ATAD2B: variants seen among roughly 807,000 people sequenced by gnomAD.
ATAD2B encodes the protein ATPase family AAA domain-containing protein 2B.
A neutral mutation model predicts 167.6 loss-of-function variants in ATAD2B; 40 were observed. The observed-to-expected ratio is 0.24, with a 90% CI of 0.19 to 0.31. ATAD2B has a LOEUF of 0.31. ATAD2B is among the 10% of genes least tolerant of loss of function. The probability of loss-of-function intolerance (pLI) is 1.00; values close to 1 mark genes in which losing one functional copy is unlikely to be tolerated. For synonymous variants in ATAD2B, 579 were observed against 596.5 expected (o/e 0.97, Z 0.43); for missense variants, 1,242 against 1,757.2 (o/e 0.71, Z 5.24).
At chr2:23,811,752 T>C (rs1685629861) in intron 17 of ATAD2B, among the ~76,000 whole-genome samples, 1 of 152,052 alleles carries the variant, frequency 6.6e-6, no homozygotes, top group South Asian at 2.1e-4. Flanking sequence ...ATAATAAAAA[T>C]AAATAAATAA....
intron 21 of ATAD2B, 169 bp downstream of exon 21, chr2:23,785,858 A>T (rs1431888091): frequency 5.6e-6 from 3 of 536,066 alleles, no homozygotes; most frequent in East Asian, 3.1e-5. Flanking sequence ...TCCAAAAGTC[A>T]CCAGATGTTT....
At chr2:23,769,018 G>A (rs1346709808) in intron 22 of ATAD2B, among the ~76,000 whole-genome samples, 1 of 152,148 alleles carries the variant, frequency 6.6e-6, no homozygotes, top group East Asian at 1.9e-4. Flanking sequence ...TTTTCCTTGG[G>A]TTAATACTAA....
the ATAD2B span, among the ~76,000 whole-genome samples, chr2:23,724,764 C>T: frequency 3.7e-4 from 57 of 152,172 alleles, no homozygotes; most frequent in Middle Eastern, 6.8e-3. Context: ...GCCAGAGAGG[C>T]TGGGCACGGT....
chr2:23,869,516 G>A, intron 9 of ATAD2B, 147 bp downstream of exon 9: 4 of 613,714 alleles, frequency 6.5e-6, no homozygotes, highest in South Asian at 5.8e-5. Flanking sequence ...GATTTTTATT[G>A]AAAGAAAAGC....
intron 1 of ATAD2B, among the ~76,000 whole-genome samples, chr2:23,896,591 G>C (rs375418784): frequency 6.6e-6 from 1 of 151,504 alleles, no homozygotes; most frequent in African/African-American, 2.4e-5. Context: ...AAATACTCCA[G>C]TATGTACCTC....
chr2:23,693,402 C>A, the ATAD2B span: 1 of 1,551,752 alleles, frequency 6.4e-7, no homozygotes, highest in Non-Finnish European at 8.7e-7. Context: ...AGGAGGAGAT[C>A]CTCAGCATCT....
chr2:23,735,784 T>C, the ATAD2B span, among the ~76,000 whole-genome samples: 102 of 152,216 alleles, frequency 6.7e-4, no homozygotes, highest in Non-Finnish European at 1.2e-3. Context: ...GGAAAACAGT[T>C]GGCATTAAGT....
rs2150207269 is a variant in ATAD2B, at chr2:23,880,741, C to A, written c.799G>T (p.Asp267Tyr). 1 of 1,595,586 alleles carries A rather than the reference C, an allele frequency of 6.3e-7. No homozygotes were observed. The highest frequency in any genetic ancestry group is 8.6e-7 in the Non-Finnish European group (1 of 1,166,774). ...EGEEEESQEE[D>Y]GDIEVEEAEG... ...GCCTCTTCAACTTCTATATCTCCAT[C>A]CTCCTCTTGAGATTCTAGTTTCCCA... Residue 267 changes from aspartate (D) to tyrosine (Y), a missense_variant, in exon 7 of 28, where the codon GAT becomes TAT. Asp to Tyr is a radical substitution (Grantham distance 160). Coordinates refer to ENST00000238789, the MANE Select transcript of ATAD2B (RefSeq NM_017552.4).
intron 13 of ATAD2B, among the ~76,000 whole-genome samples, chr2:23,837,335 C>G (rs538218321): frequency 6.0e-4 from 91 of 152,184 alleles, no homozygotes; most frequent in Admixed American, 9.8e-4. Flanking sequence ...ACAGGGGAAG[C>G]CTTCCCAGGC....
the ATAD2B span, among the ~76,000 whole-genome samples, chr2:23,687,795 G>T: frequency 1.3e-5 from 2 of 152,202 alleles, no homozygotes; most frequent in Non-Finnish European, 2.9e-5. Context: ...CCACGTTGCT[G>T]CAGGGCCGGG....
chr2:23,757,695 A>G lies in ATAD2B; in HGVS notation c.3801T>C (p.Cys1267=). 2 of 1,612,850 alleles carry G rather than the reference A, an allele frequency of 1.2e-6. No individual in the cohort carries two copies. Among genetic ancestry groups the G allele is most frequent in the Non-Finnish European group, 1.7e-6 (2 of 1,179,482 alleles). The part of the protein sequence containing the change: ...SRKETFLKGN[C]LNGEASTDSF... ...TGTCAGTGGAAGCCTCACCATTTAG[A>G]CAATTTCCTTTAAGGAAAGTCTCTT... Residue 1267 remains cysteine (C), a synonymous_variant, in exon 25 of 28, where the codon TGT becomes TGC. Transcript: ENST00000238789.
intron 19 of ATAD2B, among the ~76,000 whole-genome samples, chr2:23,796,033 G>C (rs1484745737): frequency 6.6e-6 from 1 of 152,138 alleles, no homozygotes; most frequent in Non-Finnish European, 1.5e-5. Context: ...CAGGAGTCAA[G>C]ACCAGCCTGG....
chr2:23,878,020 A>G lies in ATAD2B; in HGVS notation c.902-2116T>C, dbSNP rs1573202155. ...GGATGACCCTATCTCCAAAGAAAAA[A>G]AAAAAAAAAAAAAAAAAAAGCAAAA... On this transcript the variant is annotated intron_variant, in intron 7 of 27. Transcript: ENST00000238789. Among the ~76,000 whole-genome samples, 3 of 140,810 alleles carry G rather than the reference A, an allele frequency of 2.1e-5. No individual in the cohort carries two copies. The South Asian group carries it at 6.8e-4, about 32-fold the overall frequency. 92.4% of individuals were successfully genotyped at this position (140,810 alleles called of 152,430 possible).
intron 13 of ATAD2B, among the ~76,000 whole-genome samples, chr2:23,837,763 G>A (rs115951733): frequency 4.6e-5 from 7 of 152,322 alleles, no homozygotes; most frequent in African/African-American, 1.7e-4. Flanking sequence ...AAATGTATAT[G>A]ACGCTTTAGT....
At chr2:23,883,451 C>A in intron 6 of ATAD2B, 1 of 236,888 alleles carries the variant, frequency 4.2e-6, no homozygotes, top group Non-Finnish European at 8.5e-6. Flanking sequence ...TCTAAATATC[C>A]AAAACATTAC....
chr2:23,780,289 G>A (rs1679820921), intron 22 of ATAD2B, among the ~76,000 whole-genome samples: 2 of 151,184 alleles, frequency 1.3e-5, no homozygotes, highest in South Asian at 4.2e-4. Context: ...GTGTGTGTGT[G>A]TGTGTGTGTG....
the ATAD2B span, chr2:23,697,281 ACTGTTCTTTCTT>A: frequency 2.6e-5 from 4 of 152,306 alleles, no homozygotes; most frequent in South Asian, 8.3e-4. Context: ...AGCCAGGGAG[ACTGTTCTTTCTT>A]ACAGAGAACA....
the ATAD2B span, chr2:23,684,661 CTCT>C: frequency 2.8e-6 from 2 of 715,170 alleles, no homozygotes; most frequent in Non-Finnish European, 4.1e-6. This position sits in a 1 kb window ranked among gnomAD's most constrained non-coding sequence, Gnocchi z 4.4. Context: ...CAGTAGCCAT[CTCT>C]CCTCCTCCTC....
At chr2:23,779,967 G>A (rs1300117470) in intron 22 of ATAD2B, among the ~76,000 whole-genome samples, 1 of 152,106 alleles carries the variant, frequency 6.6e-6, no homozygotes, top group African/African-American at 2.4e-5. Context: ...TATATAAGCT[G>A]GGTGCACTAG....
Sources: gnomAD v4.1 joint callset for allele counts (sites outside exome capture counted in the v4.1 genomes callset) on GRCh38, gnomAD v4.1.1 for gene constraint, Gnocchi (gnomAD v3.1) non-coding constraint, MANE v1.5 for transcripts, NCBI Gene and HGNC (gene_info 2026-07-23, HGNC 2026-07-21) for gene names.